The following NCALD variants were observed in gnomAD, a reference collection of about 807,000 sequenced individuals.
NCALD encodes the protein neurocalcin delta, also known as neurocalcin-delta.
Under a neutral mutation model 18.6 loss-of-function variants are expected in NCALD, and 10 were observed. The ratio of observed to expected loss-of-function variants is 0.54; its 90% confidence interval spans 0.33 to 0.91. The LOEUF is 0.91. NCALD is among the 40% of genes least tolerant of loss of function. The pLI is 0.03. For synonymous variants in NCALD, 88 were observed against 87.4 expected (o/e 1.01, Z -0.04); for missense variants, 184 against 247.6 (o/e 0.74, Z 1.72).
At chr8:101,845,605 A>G (rs1264865) in intron 4 of NCALD, among the ~76,000 whole-genome samples, 52,727 of 152,054 alleles carry the variant, frequency 0.35, 10,885 homozygotes, top group African/African-American at 0.57. Flanking sequence ...ACAGGCATAC[A>G]ACGTGTCATG....
intron 2 of NCALD, among the ~76,000 whole-genome samples, chr8:101,980,448 A>T (rs1252865933): frequency 2.0e-5 from 3 of 152,184 alleles, no homozygotes; most frequent in Non-Finnish European, 4.4e-5. Flanking sequence ...AAGGGCTAGG[A>T]TCAGACCCAC....
At chr8:101,781,391 C>A (rs1812006006) in intron 1 of NCALD, among the ~76,000 whole-genome samples, 1 of 152,124 alleles carries the variant, frequency 6.6e-6, no homozygotes, top group African/African-American at 2.4e-5. Flanking sequence ...GAGCTCAGGG[C>A]TCACCAAGGG....
chr8:101,940,664 C>T (rs59266252), intron 2 of NCALD, among the ~76,000 whole-genome samples: 4,183 of 152,262 alleles, frequency 0.027, 208 homozygotes, highest in African/African-American at 0.094. Context: ...GTTAAGCCAA[C>T]AGACAACCTA....
intron 2 of NCALD, among the ~76,000 whole-genome samples, chr8:101,698,310 C>T (rs1815098601): frequency 6.6e-6 from 1 of 152,186 alleles, no homozygotes; most frequent in African/African-American, 2.4e-5. Flanking sequence ...AGAAACACTC[C>T]ATCCTCACGG....
At position 101,823,188 on chromosome 8, in the gene NCALD, G is replaced by A. The variant is rs572511445; in HGVS notation, c.-20+63953C>T. 2.0e-5 allele frequency among the ~76,000 whole-genome samples: 3 copies of A among 152,248 alleles called. No individual in the cohort carries two copies. In the East Asian group the frequency reaches 5.8e-4, roughly 29 times the overall value. Reference sequence around the variant, plus strand: ...ATTTTGGCAAGTAGTCACAGTTTTAGGCAATTAAAAATATCGTGAGCATGT... The same window carrying A: ...ATTTTGGCAAGTAGTCACAGTTTTAAGCAATTAAAAATATCGTGAGCATGT... On this transcript the variant is annotated intron_variant, in intron 4 of 6. Transcript: ENST00000311028.
At chr8:101,993,043 A>G (rs1419382626) in intron 2 of NCALD, among the ~76,000 whole-genome samples, 1 of 146,556 alleles carries the variant, frequency 6.8e-6, no homozygotes, top group Non-Finnish European at 1.5e-5. Context: ...TATTAGCCAT[A>G]CTAGATACCA....
chr8:102,069,637 A>G (rs1438558860), intron 1 of NCALD, among the ~76,000 whole-genome samples: 2 of 152,252 alleles, frequency 1.3e-5, no homozygotes, highest in Admixed American at 1.3e-4. Context: ...ATATCTGTCA[A>G]CAAAGAACTG....
At chr8:102,040,680 G>A (rs970747472) in intron 1 of NCALD, among the ~76,000 whole-genome samples, 1 of 140,072 alleles carries the variant, frequency 7.1e-6, no homozygotes, top group Admixed American at 6.8e-5. Context: ...GGGATGAGCA[G>A]AACTATGGTT....
At chr8:101,957,585 A>C (rs1463035196) in intron 2 of NCALD, among the ~76,000 whole-genome samples, 1 of 152,082 alleles carries the variant, frequency 6.6e-6, no homozygotes, top group African/African-American at 2.4e-5. Flanking sequence ...TCCTACCAAA[A>C]ATAGTTGGAG....
Position 102,064,696 on chromosome 8 carries a change from G to C in NCALD, c.-209-44407C>G, listed in dbSNP as rs544580817. Among the ~76,000 whole-genome samples the C allele has an allele frequency of 9.6e-4, 146 of 152,202 alleles. 6 individuals are homozygous for C. In the South Asian group the frequency reaches 0.028, roughly 29 times the overall value. On this transcript the variant is annotated intron_variant, in intron 1 of 6. Transcript: ENST00000311028. ...TCAGGGTCAAGTGCAGTGTCTACAG[G>C]TAGCAGCTGCTCCATGAACCTGGTG... is the stretch of plus-strand genomic sequence containing the variant.
chr8:101,987,756 T>C (rs1820870024), intron 2 of NCALD, among the ~76,000 whole-genome samples: 1 of 152,042 alleles, frequency 6.6e-6, no homozygotes, highest in South Asian at 2.1e-4. Flanking sequence ...GCCTTTTCCA[T>C]CACGAGAAGT....
intron 4 of NCALD, among the ~76,000 whole-genome samples, chr8:101,840,851 A>T (rs1814615219): frequency 6.6e-6 from 1 of 152,238 alleles, no homozygotes; most frequent in African/African-American, 2.4e-5. Flanking sequence ...ATAAGTGAAT[A>T]TAAAAAATCA....
At chr8:101,720,254 T>A (rs1391059249) in intron 1 of NCALD, among the ~76,000 whole-genome samples, 1 of 152,246 alleles carries the variant, frequency 6.6e-6, no homozygotes, top group Non-Finnish European at 1.5e-5. Flanking sequence ...ACGCATGGAA[T>A]AAATCACTGA....
chr8:101,903,591 A>C (rs1036897907), intron 3 of NCALD, among the ~76,000 whole-genome samples: 3 of 152,106 alleles, frequency 2.0e-5, no homozygotes, highest in South Asian at 2.1e-4. Flanking sequence ...TGTTCTCTGG[A>C]GGTGGAGCCA....
intron 1 of NCALD, among the ~76,000 whole-genome samples, chr8:102,087,923 C>G (rs1295541190): frequency 7.0e-6 from 1 of 143,416 alleles, no homozygotes; most frequent in Non-Finnish European, 1.5e-5. Context: ...CTCTCTCTCT[C>G]TGCAAACTGG....
At chr8:102,122,058 A>T (rs895423440) in intron 1 of NCALD, among the ~76,000 whole-genome samples, 1 of 152,364 alleles carries the variant, frequency 6.6e-6, no homozygotes, top group South Asian at 2.1e-4. Context: ...GTACATAGAA[A>T]GATACATAGA....
intron 1 of NCALD, among the ~76,000 whole-genome samples, chr8:101,748,793 C>T (rs977863290): frequency 2.6e-5 from 4 of 152,178 alleles, no homozygotes; most frequent in Admixed American, 2.6e-4. Flanking sequence ...ACAGAACTCT[C>T]GTTCTAAACC....
chr8:101,770,912 T>C (rs909223497), intron 1 of NCALD, among the ~76,000 whole-genome samples: 7 of 152,206 alleles, frequency 4.6e-5, no homozygotes, highest in Non-Finnish European at 5.9e-5. Context: ...ATATGGCCAT[T>C]GTATTTTATG....
At chr8:102,038,388 A>C (rs905953064) in intron 1 of NCALD, among the ~76,000 whole-genome samples, 4 of 152,146 alleles carry the variant, frequency 2.6e-5, no homozygotes, top group African/African-American at 9.7e-5. Flanking sequence ...CAGGCTTATC[A>C]CACAATGCTC....
Sources: allele counts gnomAD v4.1 joint callset (sites outside exome capture counted in the v4.1 genomes callset), GRCh38; gene constraint gnomAD v4.1.1; transcripts MANE v1.5; gene names NCBI Gene and HGNC (gene_info 2026-07-23, HGNC 2026-07-21).